The following KCNH5 variants were observed in gnomAD, a reference collection of about 807,000 sequenced individuals.
KCNH5 encodes voltage-gated delayed rectifier potassium channel KCNH5.
In KCNH5, 46 loss-of-function variants were observed where a neutral mutation model predicts 96.1. That is an observed-to-expected ratio of 0.48 (90% confidence interval 0.38 to 0.61). The LOEUF (loss-of-function observed/expected upper bound fraction) is 0.61, where lower values mean the gene tolerates loss of function less well. KCNH5 is among the 20% of genes least tolerant of loss of function. The pLI is 0.00. For missense variants in KCNH5, 907 were observed against 1,225.8 expected (o/e 0.74, Z 3.88); for synonymous variants, 439 against 449.8 (o/e 0.98, Z 0.30).
intron 7 of KCNH5, among the ~76,000 whole-genome samples, chr14:62,901,799 G>T (rs1161629992): frequency 6.6e-6 from 1 of 152,182 alleles, no homozygotes; most frequent in Admixed American, 6.5e-5. Context: ...TTGAGAAATT[G>T]TTATACTGCT....
chr14:62,952,855 G>A (rs1245554790), intron 6 of KCNH5, among the ~76,000 whole-genome samples: 1 of 152,044 alleles, frequency 6.6e-6, no homozygotes, highest in Non-Finnish European at 1.5e-5. Context: ...TGACCATCCT[G>A]ACAGGCCTGC....
chr14:62,848,562 A>C (rs1237006555), intron 8 of KCNH5, among the ~76,000 whole-genome samples: 2 of 152,042 alleles, frequency 1.3e-5, no homozygotes, highest in Non-Finnish European at 2.9e-5. Context: ...TCAACTCCTA[A>C]GTTCCTCGTC....
chr14:63,040,187 C>T (rs1229050816), intron 1 of KCNH5, among the ~76,000 whole-genome samples: 1 of 152,072 alleles, frequency 6.6e-6, no homozygotes, highest in Non-Finnish European at 1.5e-5. Flanking sequence ...TAACTACGCC[C>T]TTCTATTAAA....
At chr14:62,991,040 T>C (rs1247407793) in intron 4 of KCNH5, among the ~76,000 whole-genome samples, 5 of 151,976 alleles carry the variant, frequency 3.3e-5, no homozygotes, top group Non-Finnish European at 7.4e-5. Flanking sequence ...ACAATTCAAA[T>C]TAAAATTCAA....
intron 7 of KCNH5, among the ~76,000 whole-genome samples, chr14:62,924,839 G>C (rs893223759): frequency 2.0e-5 from 3 of 151,792 alleles, no homozygotes; most frequent in Non-Finnish European, 2.9e-5. Context: ...TTGATCAAAG[G>C]GTATGAACTT....
intron 7 of KCNH5, among the ~76,000 whole-genome samples, chr14:62,924,931 G>A (rs1293120563): frequency 6.6e-6 from 1 of 151,936 alleles, no homozygotes; most frequent in Non-Finnish European, 1.5e-5. Context: ...CTTGAAATTT[G>A]CTAAGAAAGT....
intron 6 of KCNH5, among the ~76,000 whole-genome samples, chr14:62,970,509 C>A (rs906730434): frequency 1.3e-5 from 2 of 152,096 alleles, no homozygotes; most frequent in African/African-American, 4.8e-5. Context: ...TACCCCAATA[C>A]CAAAACCAGA....
intron 1 of KCNH5, among the ~76,000 whole-genome samples, chr14:63,043,933 G>C (rs1235477819): frequency 1.3e-5 from 2 of 152,128 alleles, no homozygotes; most frequent in African/African-American, 4.8e-5. Context: ...TAAGAAGAGG[G>C]GATGTGTATT....
At chr14:62,712,534 C>T (rs1884592925) in intron 10 of KCNH5, 2 of 658,078 alleles carry the variant, frequency 3.0e-6, no homozygotes, top group South Asian at 3.5e-5. Context: ...GGATGCAAAT[C>T]CAAGGGGTCA....
At chr14:62,773,644 T>C (rs1886036571) in intron 10 of KCNH5, among the ~76,000 whole-genome samples, 1 of 152,248 alleles carries the variant, frequency 6.6e-6, no homozygotes, top group Non-Finnish European at 1.5e-5. Flanking sequence ...ATTCCTCTCT[T>C]ATCCTATTTA....
At chr14:62,846,701 T>G (rs1172740626) in intron 8 of KCNH5, among the ~76,000 whole-genome samples, 2 of 151,320 alleles carry the variant, frequency 1.3e-5, no homozygotes, top group African/African-American at 4.8e-5. Context: ...TTCTGAGATA[T>G]CTATTCCCTC....
At chr14:62,874,930 A>G (rs1408702789) in intron 7 of KCNH5, among the ~76,000 whole-genome samples, 1 of 145,768 alleles carries the variant, frequency 6.9e-6, no homozygotes, top group Admixed American at 7.1e-5. Flanking sequence ...ATCATTGTAT[A>G]TCTAGAAAAC....
rs139721345 is a variant in KCNH5 at position 62,881,754 on chromosome 14, C to G, written c.1370-31902G>C. Among the ~76,000 whole-genome samples, 194 of 146,792 alleles carry G rather than the reference C, an allele frequency of 1.3e-3. 2 individuals are homozygous for G. The highest frequency in any genetic ancestry group is 4.4e-3 in the African/African-American group (181 of 41,204). On this transcript the variant is annotated intron_variant, in intron 7 of 10. Coordinates refer to ENST00000322893, the MANE Select transcript of KCNH5 (RefSeq NM_139318.5). Reference sequence around the variant, plus strand: ...GATATAAGTATCCATATTTTACAGACCCAGACGAAAAAGAATATTCAGATT... The same window carrying G: ...GATATAAGTATCCATATTTTACAGAGCCAGACGAAAAAGAATATTCAGATT...
chr14:62,712,575 C>T, intron 10 of KCNH5: 1 of 712,328 alleles, frequency 1.4e-6, no homozygotes, highest in East Asian at 2.7e-5. Context: ...ATTCCACTCT[C>T]CTGCTCCTCA....
chr14:62,762,606 C>T (rs1227843963), intron 10 of KCNH5, among the ~76,000 whole-genome samples: 1 of 152,090 alleles, frequency 6.6e-6, no homozygotes, highest in Non-Finnish European at 1.5e-5. Context: ...CCATCGTCAC[C>T]CCACCCACAG....
chr14:63,031,434 C>T (rs190959194), intron 1 of KCNH5, among the ~76,000 whole-genome samples: 214 of 152,040 alleles, frequency 1.4e-3, no homozygotes, highest in Non-Finnish European at 2.4e-3. Context: ...AATATAAGAG[C>T]ATGTGGGATG....
At chr14:62,786,726 T>C (rs1333816436) in intron 9 of KCNH5, among the ~76,000 whole-genome samples, 1 of 152,208 alleles carries the variant, frequency 6.6e-6, no homozygotes, top group Admixed American at 6.5e-5. Flanking sequence ...ATTTGATGTC[T>C]CATTTTGGTA....
chr14:62,945,872 A>G (rs576158345), intron 7 of KCNH5, among the ~76,000 whole-genome samples: 85 of 152,164 alleles, frequency 5.6e-4, no homozygotes, highest in African/African-American at 2.0e-3. Context: ...AGGATAAGCC[A>G]AGGAAGAATG....
chr14:62,976,185 G>T (rs1195529007), intron 6 of KCNH5, among the ~76,000 whole-genome samples: 2 of 151,832 alleles, frequency 1.3e-5, no homozygotes, highest in Non-Finnish European at 2.9e-5. Flanking sequence ...TGGATCATGA[G>T]GTCAAGAGAT....
Sources: allele counts gnomAD v4.1 joint callset (sites outside exome capture counted in the v4.1 genomes callset), GRCh38; gene constraint gnomAD v4.1.1; transcripts MANE v1.5; gene names NCBI Gene and HGNC (gene_info 2026-07-23, HGNC 2026-07-21).